Variants in CHRM3 observed in about 807,000 individuals in gnomAD.
CHRM3 encodes the protein cholinergic receptor muscarinic 3.
A neutral mutation model predicts 41.8 loss-of-function variants in CHRM3; 11 were observed. That is an observed-to-expected ratio of 0.26 (90% CI 0.17 to 0.44). The LOEUF (loss-of-function observed/expected upper bound fraction) is 0.44. CHRM3 is among the 20% of genes least tolerant of loss of function. The pLI, the probability that CHRM3 is intolerant of heterozygous loss-of-function variation, is 1.00. For missense variants in CHRM3, 571 were observed against 745.4 expected, an observed-to-expected ratio of 0.77 and a Z score of 2.72; for synonymous variants, 297 against 301.4, an observed-to-expected ratio of 0.99 and a Z score of 0.15.
chr1:239,780,665 T>C (rs1405811455), intron 5 of CHRM3, among the ~76,000 whole-genome samples: 1 of 152,210 alleles, frequency 6.6e-6, no homozygotes, highest in Non-Finnish European at 1.5e-5. Flanking sequence ...TTTGGTGTTG[T>C]ATCAAAAAAG....
At chr1:239,721,650 C>T (rs748404931) in intron 5 of CHRM3, among the ~76,000 whole-genome samples, 1 of 151,758 alleles carries the variant, frequency 6.6e-6, no homozygotes, top group Non-Finnish European at 1.5e-5. Flanking sequence ...ATTGTCAGTA[C>T]AAATGAAGAA....
At chr1:239,498,009 C>A (rs1667993336) in intron 2 of CHRM3, among the ~76,000 whole-genome samples, 1 of 152,124 alleles carries the variant, frequency 6.6e-6, no homozygotes, top group Admixed American at 6.6e-5. Flanking sequence ...CAGTAACTTA[C>A]TAACAATAAT....
chr1:239,494,222 A>T (rs1667737173), intron 2 of CHRM3, among the ~76,000 whole-genome samples: 1 of 152,096 alleles, frequency 6.6e-6, no homozygotes, highest in Non-Finnish European at 1.5e-5. Context: ...AACTGCCATG[A>T]TGCTAGTGGG....
chr1:239,713,749 C>T (rs1662052584), intron 5 of CHRM3, among the ~76,000 whole-genome samples: 1 of 152,168 alleles, frequency 6.6e-6, no homozygotes, highest in Non-Finnish European at 1.5e-5. Flanking sequence ...TGCAGTTTAC[C>T]TCTGTTGCTG....
At chr1:239,397,116 G>GAGTTATA (rs1659550797) in intron 1 of CHRM3, among the ~76,000 whole-genome samples, 2 of 152,060 alleles carry the variant, frequency 1.3e-5, no homozygotes, top group Non-Finnish European at 2.9e-5. Flanking sequence ...ATGTCTTTAG[G>GAGTTATA]CTAATGTTGA....
intron 5 of CHRM3, among the ~76,000 whole-genome samples, chr1:239,826,490 T>C (rs1672474501): frequency 6.6e-6 from 1 of 152,208 alleles, no homozygotes; most frequent in African/African-American, 2.4e-5. Context: ...GCAGCCATGT[T>C]CTGGAGGAAA....
chr1:239,564,235 C>T (rs565874612), intron 3 of CHRM3, among the ~76,000 whole-genome samples: 20 of 152,092 alleles, frequency 1.3e-4, no homozygotes, highest in Non-Finnish European at 2.4e-4. Context: ...AATAATAAAC[C>T]TAATGTAAAG....
chr1:239,509,387 A>G (rs1668779402), intron 2 of CHRM3, among the ~76,000 whole-genome samples: 1 of 152,162 alleles, frequency 6.6e-6, no homozygotes, highest in Non-Finnish European at 1.5e-5. Flanking sequence ...ATTTCTGTTT[A>G]TATAAAGAGG....
intron 1 of CHRM3, among the ~76,000 whole-genome samples, chr1:239,391,543 T>G (rs1435861304): frequency 6.6e-6 from 1 of 152,146 alleles, no homozygotes; most frequent in East Asian, 1.9e-4. Flanking sequence ...CTCCCACCTG[T>G]TGGAACTTCC....
At chr1:239,455,407 G>A (rs1015955387) in intron 1 of CHRM3, among the ~76,000 whole-genome samples, 2 of 151,794 alleles carry the variant, frequency 1.3e-5, no homozygotes, top group African/African-American at 4.8e-5. Context: ...GTCCCTCAAG[G>A]GGTGTTCCAG....
rs184780933 is a variant in CHRM3 at position 239,452,827 on chromosome 1, G to C, written c.-520-39882G>C. Among the ~76,000 whole-genome samples, 1,012 of 152,098 alleles carry C rather than the reference G, an allele frequency of 6.7e-3. 14 individuals are homozygous for C. Among genetic ancestry groups the C allele is most frequent in the African/African-American group, 0.023 (942 of 41,482 alleles). On this transcript the variant is annotated intron_variant, in intron 1 of 6. Transcript: ENST00000676153. ...TTCTTATTATTTTTTTTGAGACGGA[G>C]TCTTACTCTGTCACCCAGGCTGGAG...
intron 3 of CHRM3, among the ~76,000 whole-genome samples, chr1:239,565,523 G>A (rs970212639): frequency 3.3e-5 from 5 of 152,072 alleles, no homozygotes; most frequent in African/African-American, 1.2e-4. Flanking sequence ...GTTGTTCTGT[G>A]CTAATTAAAC....
chr1:239,597,203 A>T (rs10754675), intron 3 of CHRM3, among the ~76,000 whole-genome samples: 124,402 of 152,100 alleles, frequency 0.82, 53,360 homozygotes, highest in Non-Finnish European at 0.93. Flanking sequence ...TCATTTTTAG[A>T]CATTTCCTAT....
At chr1:239,477,942 A>C (rs914854860) in intron 1 of CHRM3, among the ~76,000 whole-genome samples, 2 of 152,166 alleles carry the variant, frequency 1.3e-5, no homozygotes, top group African/African-American at 4.8e-5. Flanking sequence ...GGTCAGCTGC[A>C]CAGCGAGGCT....
intron 5 of CHRM3, among the ~76,000 whole-genome samples, chr1:239,794,387 G>GTTTTTTTT (rs10925977): frequency 5.2e-5 from 6 of 115,262 alleles, no homozygotes; most frequent in Admixed American, 8.6e-5. Context: ...TTCGTTTGTT[G>GTTTTTTTT]TTTTTTTTTT....
chr1:239,743,891 A>T (rs1665106729), intron 5 of CHRM3, among the ~76,000 whole-genome samples: 1 of 145,982 alleles, frequency 6.9e-6, no homozygotes, highest in African/African-American at 2.5e-5. Context: ...CTCCTGCTCA[A>T]GTGATCCTCC....
chr1:239,518,229 A>G (rs1452820298), intron 2 of CHRM3, among the ~76,000 whole-genome samples: 2 of 152,254 alleles, frequency 1.3e-5, no homozygotes, highest in African/African-American at 2.4e-5. Context: ...TATCTGTAAG[A>G]AGCAAAAGTA....
At chr1:239,839,799 G>GC (rs1394468922) in intron 6 of CHRM3, among the ~76,000 whole-genome samples, 2 of 150,380 alleles carry the variant, frequency 1.3e-5, no homozygotes, top group Admixed American at 6.6e-5. Flanking sequence ...CAGTGGCGGG[G>GC]CGGGGGGGGA....
rs577179849 is a variant in CHRM3 at position 239,642,239 on chromosome 1, G to T, written c.-250+9953G>T. On this transcript the variant is annotated intron_variant, in intron 4 of 6. Coordinates refer to ENST00000676153, the MANE Select transcript of CHRM3 (RefSeq NM_001375978.1). ...CAACTTTGGTGAATCTGACAATTAT[G>T]TGTCTTGGAGTTGCTCTTCTCGAGG... 2.2e-3 allele frequency among the ~76,000 whole-genome samples: 332 copies of T among 149,996 alleles called. 1 individual carries two copies. Among genetic ancestry groups the T allele is most frequent in the African/African-American group, 7.8e-3 (317 of 40,464 alleles).
Sources: gnomAD v4.1 joint callset for allele counts (sites outside exome capture counted in the v4.1 genomes callset) on GRCh38, gnomAD v4.1.1 for gene constraint, MANE v1.5 for transcripts, NCBI Gene and HGNC (gene_info 2026-07-23, HGNC 2026-07-21) for gene names.